The following DYSF variants were observed in gnomAD, a reference collection of about 807,000 sequenced individuals.
DYSF encodes dystrophy-associated fer-1-like 1.
Under a neutral mutation model 274.9 loss-of-function variants are expected in DYSF, and 212 were observed. The ratio of observed to expected loss-of-function variants is 0.77; its 90% CI spans 0.69 to 0.86. The LOEUF (loss-of-function observed/expected upper bound fraction) is 0.86, where lower values mean the gene tolerates loss of function less well. Ranked by LOEUF, DYSF falls within the 40% of genes least tolerant of loss-of-function variation. The pLI, the probability that DYSF is intolerant of heterozygous loss-of-function variation, is 0.00. For synonymous variants in DYSF, 1,091 were observed against 1,078.7 expected (o/e 1.01, Z -0.22); for missense variants, 2,666 against 2,783.2 (o/e 0.96, Z 0.95).
chr2:71,656,075 C>G, intron 42 of DYSF, 87 bp from the exon 43 acceptor site: 3 of 1,501,390 alleles, frequency 2.0e-6, no homozygotes, highest in Non-Finnish European at 1.8e-6. Context: ...TGTCATGTTT[C>G]CCCTCCTTCT....
chr2:71,520,773 ATG>A lies in DYSF; in HGVS notation c.1034-14_1034-13del, dbSNP rs1464038785. 6.2e-7 allele frequency: 1 copy of A among 1,610,748 alleles called. No individual in the cohort carries two copies. The highest frequency in any genetic ancestry group is 8.5e-7 in the Non-Finnish European group (1 of 1,177,234). ...CTTCTGATTCTGGGATCACCAGAGG[ATG>A]TTGTCTCTCTTAGGGCACGCCTATC... is the stretch of plus-strand genomic sequence containing the variant. On this transcript the variant is annotated splice_polypyrimidine_tract_variant and intron_variant, in intron 11 of 55. Coordinates refer to ENST00000410020, the MANE Select transcript of DYSF (RefSeq NM_001130987.2).
intron 17 of DYSF, among the ~76,000 whole-genome samples, chr2:71,539,705 TCCGAGA>T (rs2089736431): frequency 6.6e-6 from 1 of 152,220 alleles, no homozygotes; most frequent in Non-Finnish European, 1.5e-5. Flanking sequence ...CTATTAGCAC[TCCGAGA>T]CCTTTCTGTA....
intron 10 of DYSF, among the ~76,000 whole-genome samples, chr2:71,519,231 T>A (rs1039902800): frequency 1.3e-5 from 2 of 151,878 alleles, no homozygotes; most frequent in African/African-American, 2.4e-5. Flanking sequence ...AAAAACTAAG[T>A]CTGTTTACCT....
chr2:71,612,568 C>T (rs1275478375), intron 38 of DYSF, 73 bp from the exon 39 acceptor site: 29 of 1,591,066 alleles, frequency 1.8e-5, no homozygotes, highest in Non-Finnish European at 2.4e-5. Flanking sequence ...TAGTCATTTT[C>T]TGCTCTTTGG....
intron 13 of DYSF, 81 bp downstream of exon 13, chr2:71,526,427 G>A: frequency 1.3e-6 from 2 of 1,530,378 alleles, no homozygotes; most frequent in Non-Finnish European, 1.8e-6. Flanking sequence ...ATGGCGGGCG[G>A]GGTCAGCTCC....
At chr2:71,609,027 G>GTT in intron 36 of DYSF, among the ~76,000 whole-genome samples, 2 of 151,872 alleles carry the variant, frequency 1.3e-5, no homozygotes, top group South Asian at 4.1e-4. Flanking sequence ...CAGACCACAA[G>GTT]CAGGCATTCA....
chr2:71,666,283 A>G (rs1212504882), intron 47 of DYSF, among the ~76,000 whole-genome samples: 2 of 152,212 alleles, frequency 1.3e-5, no homozygotes, highest in Admixed American at 1.3e-4. Context: ...GTGAGGTCCA[A>G]CATCTGCCTG....
chr2:71,520,806 A>G lies in DYSF; in HGVS notation c.1051A>G (p.Lys351Glu). 1 of 1,613,948 alleles carries G rather than the reference A, an allele frequency of 6.2e-7. No homozygotes were observed. The highest frequency in any genetic ancestry group is 8.5e-7 in the Non-Finnish European group (1 of 1,179,972). ...TCTCTTAGGGCACGCCTATCTCAGG[A>G]AGTGGCTGCTGCTCTCAGACCCTGA... ...YREPRHAYLR[K>E]WLLLSDPDDF... The change falls in exon 12 of 56, where the codon AAG becomes GAG. Residue 351 changes from lysine (K) to glutamate (E), a missense_variant. Around this residue, in one of 3 missense-constraint regions of DYSF, gnomAD observed 794 missense variants for 777.1 expected, o/e 1.02. Transcript: ENST00000410020.
chr2:71,511,791 G>A lies in DYSF; in HGVS notation c.346-16G>A, dbSNP rs576372858. 33 of 1,509,736 alleles carry A rather than the reference G, an allele frequency of 2.2e-5. No homozygotes were observed. Among genetic ancestry groups the A allele is most frequent in the South Asian group, 1.8e-4 (15 of 83,286 alleles). 93.5% of individuals were successfully genotyped at this position (1,509,736 alleles called of 1,614,324 possible). A position where few individuals can be genotyped will look rare whatever the true frequency, so the allele number is the denominator to read the frequency against. Reference sequence around the variant, plus strand: ...GCCAGCGCACCAACCTGTCCCCCACGTCTCATCTCTTCCAGGCCTCGCTGG... The same window carrying A: ...GCCAGCGCACCAACCTGTCCCCCACATCTCATCTCTTCCAGGCCTCGCTGG... On this transcript the variant is annotated splice_polypyrimidine_tract_variant and intron_variant, in intron 4 of 55. Coordinates refer to ENST00000410020, the MANE Select transcript of DYSF (RefSeq NM_001130987.2).
At chr2:71,571,057 G>C (rs113591204) in intron 29 of DYSF, 6 of 376,498 alleles carry the variant, frequency 1.6e-5, no homozygotes, top group African/African-American at 3.0e-5. Flanking sequence ...CACACACACA[G>C]ATCACACCCA....
At chr2:71,572,605 G>A (rs1171357406) in intron 29 of DYSF, among the ~76,000 whole-genome samples, 1 of 152,266 alleles carries the variant, frequency 6.6e-6, no homozygotes, top group South Asian at 2.1e-4. Flanking sequence ...GGCCTGAGCT[G>A]TGGCCTGGGG....
In DYSF at chr2:71,615,261, A is replaced by T. The variant is rs2093856265; in HGVS notation, c.4464+1851A>T. ...GTGCTGTTTGTGGGAGCACACGGCC[A>T]CTCTGGCTAGAGCTGCTGGCCAGAC... On this transcript the variant is annotated intron_variant, in intron 40 of 55. Transcript: ENST00000410020. The surrounding 1 kb of genome is among the most constrained non-coding windows in gnomAD (Gnocchi z 4.9). Among the ~76,000 whole-genome samples, 1 of 151,904 alleles carries T rather than the reference A, an allele frequency of 6.6e-6. No homozygotes were observed. Among genetic ancestry groups the T allele is most frequent in the Non-Finnish European group, 1.5e-5 (1 of 67,958 alleles).
chr2:71,517,112 G>A, intron 10 of DYSF, 73 bp downstream of exon 10: 1 of 1,390,650 alleles, frequency 7.2e-7, no homozygotes, highest in Non-Finnish European at 1.0e-6. Context: ...TGGACCATGG[G>A]CAGGGGCTCC....
chr2:71,620,650 T>C (rs888948022), intron 41 of DYSF, 41 bp downstream of exon 41: 3 of 1,538,402 alleles, frequency 2.0e-6, no homozygotes, highest in African/African-American at 2.8e-5. Context: ...TTGTATTCCC[T>C]TGTGGGGCTG....
chr2:71,516,928 G>A (rs1237172806), intron 9 of DYSF, 61 bp from the exon 10 acceptor site: 2 of 1,477,798 alleles, frequency 1.4e-6, no homozygotes. Flanking sequence ...AGAGCTATTG[G>A]GTTGGCCGTG....
At chr2:71,551,759 G>T (rs1232860020) in intron 19 of DYSF, 39 bp downstream of exon 19, 1 of 1,531,030 alleles carries the variant, frequency 6.5e-7, no homozygotes. Flanking sequence ...GGGCGTCGGG[G>T]CAGGGAAGGG....
intron 3 of DYSF, among the ~76,000 whole-genome samples, chr2:71,482,919 T>G (rs1009409557): frequency 1.3e-5 from 2 of 152,076 alleles, no homozygotes; most frequent in African/African-American, 4.8e-5. Flanking sequence ...AGCCTTTGTT[T>G]GGGAACTGGG....
intron 12 of DYSF, 54 bp from the exon 13 acceptor site, chr2:71,526,166 T>C (rs970221551): frequency 1.4e-4 from 229 of 1,613,844 alleles, no homozygotes; most frequent in Non-Finnish European, 1.7e-4. Flanking sequence ...AAAAGGAAAG[T>C]AAAACCCTGT....
rs1553416039 is a variant in DYSF at position 71,669,611 on chromosome 2, GA to G, written c.5650del (p.Ile1884LeufsTer121). On this transcript the variant is annotated frameshift_variant, in exon 51 of 56. Coordinates refer to ENST00000410020, the MANE Select transcript of DYSF (RefSeq NM_001130987.2). LOFTEE classifies it high-confidence loss of function. ...MSDIYVKGWMIGFEEHKQKTD... is the reference protein window; with the variant it reads ...MSDIYVKGWMXGFEEHKQKTD... ...TAAAAACATGTATGTCTAGTTGGAT[GA>G]TTGGCTTTGAAGAACACAAGCAAAA... 6.2e-7 allele frequency: 1 copy of G among 1,614,214 alleles called. No individual in the cohort carries two copies. Among genetic ancestry groups the G allele is most frequent in the Non-Finnish European group, 8.5e-7 (1 of 1,180,052 alleles).
Sources: allele counts gnomAD v4.1 joint callset (sites outside exome capture counted in the v4.1 genomes callset), GRCh38; gene constraint gnomAD v4.1.1; regional missense constraint gnomAD v4.1.1; non-coding constraint Gnocchi (gnomAD v3.1); transcripts MANE v1.5; gene names NCBI Gene and HGNC (gene_info 2026-07-23, HGNC 2026-07-21).